Variants in FBXO10 observed in about 807,000 individuals in gnomAD.
FBXO10 encodes F-box protein 10, also known as F-box only protein 10.
A neutral mutation model predicts 80.7 loss-of-function variants in FBXO10; 39 were observed. The ratio of observed to expected loss-of-function variants is 0.48; its 90% CI spans 0.37 to 0.63. FBXO10 has a LOEUF of 0.63. Ranked by LOEUF, FBXO10 falls within the 30% of genes least tolerant of loss-of-function variation. The pLI, the probability that FBXO10 is intolerant of heterozygous loss-of-function variation, is 0.00. For synonymous variants in FBXO10, 449 were observed against 489.6 expected, an observed-to-expected ratio of 0.92 and a Z score of 1.09; for missense variants, 1,025 against 1,269.0, an observed-to-expected ratio of 0.81 and a Z score of 2.92.
chr9:37,512,810 TC>T (rs1821096459), intron 10 of FBXO10, 89 bp from the exon 11 acceptor site: 1 of 1,382,822 alleles, frequency 7.2e-7, no homozygotes, highest in African/African-American at 1.4e-5. Flanking sequence ...GGGTTCCAGA[TC>T]GGTGGATCCA....
chr9:37,522,804 G>T (rs1215259936), intron 7 of FBXO10, 21 bp downstream of exon 7: 5 of 1,551,206 alleles, frequency 3.2e-6, no homozygotes, highest in Non-Finnish European at 4.4e-6. Flanking sequence ...TCCCCGGCTG[G>T]GTTGGGAACA....
chr9:37,512,498 GCTC>G lies in FBXO10; in HGVS notation c.*46_*48del, dbSNP rs746376762. On this transcript the variant is annotated 3_prime_UTR_variant, in exon 11 of 11. Coordinates refer to ENST00000432825, the MANE Select transcript of FBXO10 (RefSeq NM_012166.3). ...CTTTTCAGGCAGTATTTCCACCTTAGCTCCTCTGAGCACCCATCCAGGCTTGGC... is the reference window on the plus strand; with the variant it reads ...CTTTTCAGGCAGTATTTCCACCTTAGCTCTGAGCACCCATCCAGGCTTGGC... 2 of 1,577,352 alleles carry G rather than the reference GCTC, an allele frequency of 1.3e-6. No individual in the cohort carries two copies. The highest frequency in any genetic ancestry group is 2.7e-5 in the African/African-American group (2 of 74,288).
chr9:37,512,768 T>C (rs907449649), intron 10 of FBXO10, 47 bp from the exon 11 acceptor site: 2 of 1,580,594 alleles, frequency 1.3e-6, no homozygotes, highest in Non-Finnish European at 1.7e-6. Flanking sequence ...GGGTGTGCAG[T>C]GCTGGCTGAA....
intron 1 of FBXO10, among the ~76,000 whole-genome samples, chr9:37,569,395 C>CAAAAAAAA (rs35292200): frequency 1.6e-5 from 2 of 123,066 alleles, no homozygotes; most frequent in Non-Finnish European, 3.3e-5. Context: ...AGATATAAAG[C>CAAAAAAAA]AAAAAAAAAA....
chr9:37,563,477 G>C (rs923015150), intron 1 of FBXO10, among the ~76,000 whole-genome samples: 2 of 152,206 alleles, frequency 1.3e-5, no homozygotes, highest in African/African-American at 4.8e-5. Context: ...TAGAGACTTA[G>C]AGGGCTCAGA....
At chr9:37,532,291 GTTCTTT>G (rs1821647904) in intron 3 of FBXO10, among the ~76,000 whole-genome samples, 1 of 140,048 alleles carries the variant, frequency 7.1e-6, no homozygotes, top group African/African-American at 2.7e-5. Flanking sequence ...TCTCACATTG[GTTCTTT>G]TTTTTTTTTT....
chr9:37,570,200 A>G (rs1383386816), intron 1 of FBXO10, among the ~76,000 whole-genome samples: 1 of 152,152 alleles, frequency 6.6e-6, no homozygotes, highest in Admixed American at 6.5e-5. Flanking sequence ...AATCCCAGCT[A>G]CTTGGGAGGC....
At chr9:37,525,233 G>A in intron 5 of FBXO10, 61 bp from the exon 6 acceptor site, 1 of 1,449,782 alleles carries the variant, frequency 6.9e-7, no homozygotes, top group South Asian at 1.2e-5. Context: ...CATGCTTCCA[G>A]GAGACTGCCT....
intron 6 of FBXO10, among the ~76,000 whole-genome samples, chr9:37,524,290 G>A (rs1821415110): frequency 6.6e-6 from 1 of 152,172 alleles, no homozygotes; most frequent in Non-Finnish European, 1.5e-5. Flanking sequence ...TATCCATAGA[G>A]CACTTGTCAC....
Position 37,518,372 on chromosome 9 carries a change from C to G in FBXO10, c.2267G>C (p.Gly756Ala). 1 of 1,613,886 alleles carries G rather than the reference C, an allele frequency of 6.2e-7. No homozygotes were observed. The highest frequency in any genetic ancestry group is 8.5e-7 in the Non-Finnish European group (1 of 1,179,800). ...HVITNVIHAN[G>A]DRGITVAQSS... is the part of the protein sequence containing the mutation. The stretch of plus-strand genomic sequence containing the variant: ...CTGGGCCACAGTAATGCCTCTGTCC[C>G]CATTCGCGTGGATCACATTGGTGAT... The change falls in exon 9 of 11, where the codon GGG becomes GCG. Residue 756 changes from glycine (G) to alanine (A), a missense_variant. This residue lies in a region of FBXO10 where 478 missense variants were observed against 667.8 expected (regional missense o/e 0.72). Transcript: ENST00000432825.
At chr9:37,550,703 T>G (rs533071671) in intron 1 of FBXO10, among the ~76,000 whole-genome samples, 4 of 152,286 alleles carry the variant, frequency 2.6e-5, no homozygotes, top group Admixed American at 6.5e-5. Context: ...GGTCTTGAAC[T>G]CCTGGCCTCA....
intron 3 of FBXO10, among the ~76,000 whole-genome samples, chr9:37,536,909 C>T (rs1376448799): frequency 6.6e-6 from 1 of 152,142 alleles, no homozygotes; most frequent in Non-Finnish European, 1.5e-5. Context: ...CCTGAGTAAG[C>T]CACGTTCTCT....
intron 1 of FBXO10, among the ~76,000 whole-genome samples, chr9:37,560,181 C>T (rs559500387): frequency 6.6e-6 from 1 of 152,208 alleles, no homozygotes; most frequent in South Asian, 2.1e-4. Context: ...GGAGATCCAT[C>T]CAGGAGAGGT....
chr9:37,555,273 G>A (rs148821706), intron 1 of FBXO10, among the ~76,000 whole-genome samples: 1 of 151,900 alleles, frequency 6.6e-6, no homozygotes, highest in East Asian at 1.9e-4. Flanking sequence ...ATATCATTTT[G>A]GTTTTAATTT....
At chr9:37,516,591 C>T (rs572164108) in intron 9 of FBXO10, among the ~76,000 whole-genome samples, 21 of 152,274 alleles carry the variant, frequency 1.4e-4, no homozygotes, top group African/African-American at 3.4e-4. Context: ...CATGTGCACA[C>T]GCATATTGAT....
chr9:37,550,498 T>G (rs1210702278), intron 1 of FBXO10, among the ~76,000 whole-genome samples: 2 of 150,694 alleles, frequency 1.3e-5, no homozygotes, highest in East Asian at 1.9e-4. Flanking sequence ...TTTTTTTTTT[T>G]GAGACAGAGT....
intron 1 of FBXO10, among the ~76,000 whole-genome samples, chr9:37,550,009 A>G (rs1216890961): frequency 1.3e-5 from 2 of 152,148 alleles, no homozygotes; most frequent in Non-Finnish European, 2.9e-5. Context: ...ACCAAGCCCA[A>G]TCAAAACTCA....
chr9:37,538,293 T>C (rs1564343045), intron 2 of FBXO10, among the ~76,000 whole-genome samples: 1 of 152,210 alleles, frequency 6.6e-6, no homozygotes, highest in South Asian at 2.1e-4. Flanking sequence ...CCTAGCCGCA[T>C]GTGCTGGCAA....
intron 8 of FBXO10, among the ~76,000 whole-genome samples, chr9:37,520,495 A>G (rs1388787873): frequency 7.7e-6 from 1 of 130,288 alleles, no homozygotes; most frequent in Non-Finnish European, 1.7e-5. Context: ...GATCCAACTA[A>G]TTTTTCTTTC....
Sources: gnomAD v4.1 joint callset for allele counts (sites outside exome capture counted in the v4.1 genomes callset) on GRCh38, gnomAD v4.1.1 for gene constraint, gnomAD v4.1.1 regional missense constraint, MANE v1.5 for transcripts, NCBI Gene and HGNC (gene_info 2026-07-23, HGNC 2026-07-21) for gene names.